Variants in PTPRD observed in about 807,000 individuals in gnomAD.
PTPRD encodes receptor-type tyrosine-protein phosphatase delta.
PTPRD carries 34 observed loss-of-function variants against 214.5 expected under a neutral mutation model. The observed-to-expected ratio is 0.16, with a 90% CI of 0.12 to 0.21. PTPRD has a LOEUF of 0.21. PTPRD is among the 10% of genes least tolerant of loss of function. The pLI is 1.00. For synonymous variants in PTPRD, 1,128 were observed against 845.7 expected (o/e 1.33, Z -5.79); for missense variants, 2,545 against 2,398.7 (o/e 1.06, Z -1.27).
At chr9:9,887,720 T>C (rs1273649749) in intron 5 of PTPRD, among the ~76,000 whole-genome samples, 2 of 151,974 alleles carry the variant, frequency 1.3e-5, no homozygotes, top group African/African-American at 4.8e-5. Context: ...TAATGGGAGG[T>C]GGAAAAATTA....
intron 3 of PTPRD, among the ~76,000 whole-genome samples, chr9:10,138,125 G>C (rs2098955714): frequency 6.6e-6 from 1 of 151,936 alleles, no homozygotes; most frequent in Admixed American, 6.6e-5. Flanking sequence ...AAATAAACAA[G>C]ATGTATAGAC....
In PTPRD at chr9:10,514,311, A is replaced by G. The variant is rs556082707; in HGVS notation, c.-600+98087T>C. 2.1e-4 allele frequency among the ~76,000 whole-genome samples: 32 copies of G among 151,760 alleles called. No homozygotes were observed. The East Asian group carries it at 5.3e-3, about 25-fold the overall frequency. ...TATAAACTCTTCTTTGGGGAGCAAA[A>G]TCAAAATTTTAAGAATTACAATTAC... On this transcript the variant is annotated intron_variant, in intron 2 of 45. Transcript: ENST00000381196.
intron 35 of PTPRD, among the ~76,000 whole-genome samples, chr9:8,407,878 G>T (rs892310153): frequency 1.3e-5 from 2 of 152,156 alleles, no homozygotes; most frequent in African/African-American, 2.4e-5. Context: ...TATTTTTGGA[G>T]CTTGTCAGAA....
At chr9:9,068,081 A>G (rs549587123) in intron 10 of PTPRD, among the ~76,000 whole-genome samples, 1 of 152,124 alleles carries the variant, frequency 6.6e-6, no homozygotes, top group Non-Finnish European at 1.5e-5. Context: ...AAATACATTT[A>G]ATATTTAACC....
At chr9:9,187,539 A>C (rs10977555) in intron 9 of PTPRD, among the ~76,000 whole-genome samples, 1 of 151,880 alleles carries the variant, frequency 6.6e-6, no homozygotes. Context: ...CTTGGCAAAC[A>C]TGTTAGATTT....
At chr9:9,202,773 AGT>A (rs1206860413) in intron 9 of PTPRD, among the ~76,000 whole-genome samples, 14 of 152,210 alleles carry the variant, frequency 9.2e-5, no homozygotes, top group African/African-American at 3.4e-4. Flanking sequence ...ACAACTGTTC[AGT>A]TATGGGGACT....
intron 11 of PTPRD, among the ~76,000 whole-genome samples, chr9:8,925,000 T>A (rs1298603180): frequency 2.0e-5 from 3 of 152,130 alleles, no homozygotes; most frequent in Non-Finnish European, 2.9e-5. Flanking sequence ...ATATGTTATA[T>A]TCCGTAAATA....
intron 8 of PTPRD, among the ~76,000 whole-genome samples, chr9:9,516,979 A>G (rs915784614): frequency 6.6e-6 from 1 of 151,540 alleles, no homozygotes; most frequent in African/African-American, 2.4e-5. Flanking sequence ...AATGAATAAG[A>G]AAACAAATGA....
At chr9:10,019,383 T>C (rs2096795949) in intron 4 of PTPRD, among the ~76,000 whole-genome samples, 1 of 152,106 alleles carries the variant, frequency 6.6e-6, no homozygotes, top group Non-Finnish European at 1.5e-5. Context: ...TCCTTAGGGA[T>C]CTAGAACTAG....
chr9:10,611,265 G>C (rs1230611896), intron 2 of PTPRD, among the ~76,000 whole-genome samples: 2 of 152,052 alleles, frequency 1.3e-5, no homozygotes, highest in Non-Finnish European at 2.9e-5. Context: ...TTAAAAATCA[G>C]GTCTGTTTTG....
intron 12 of PTPRD, among the ~76,000 whole-genome samples, chr9:8,679,876 A>C (rs2097517318): frequency 6.6e-6 from 1 of 152,212 alleles, no homozygotes; most frequent in African/African-American, 2.4e-5. Flanking sequence ...CAATTTAACA[A>C]AAATTTCTCA....
At chr9:9,103,580 C>T (rs1256885296) in intron 10 of PTPRD, among the ~76,000 whole-genome samples, 1 of 152,024 alleles carries the variant, frequency 6.6e-6, no homozygotes. Context: ...TTTAGCATAT[C>T]CTTTCCTTCT....
At chr9:9,738,732 A>G (rs2098346431) in intron 6 of PTPRD, among the ~76,000 whole-genome samples, 2 of 151,914 alleles carry the variant, frequency 1.3e-5, no homozygotes, top group Non-Finnish European at 2.9e-5. Context: ...GTGAACCACC[A>G]CACCTGACCT....
In PTPRD at chr9:8,528,579, A is replaced by G. The variant is rs1250382944; in HGVS notation, c.541+12T>C. On this transcript the variant is annotated intron_variant, in intron 15 of 45. Transcript: ENST00000381196. ...TCTCTAGGAGTTAGTAGAAACAGTA[A>G]CAAGACCCTACCTGATCGTAACTGC... 1.2e-5 allele frequency: 19 copies of G among 1,612,610 alleles called. No individual in the cohort carries two copies. The highest frequency in any genetic ancestry group is 1.7e-5 in the Admixed American group (1 of 59,918).
At chr9:10,031,200 TG>T (rs2097059154) in intron 4 of PTPRD, among the ~76,000 whole-genome samples, 1 of 152,074 alleles carries the variant, frequency 6.6e-6, no homozygotes. Flanking sequence ...TGAATTTAAG[TG>T]AATTATCTAA....
intron 8 of PTPRD, among the ~76,000 whole-genome samples, chr9:9,494,478 C>G (rs143158514): frequency 6.6e-6 from 1 of 152,178 alleles, no homozygotes; most frequent in East Asian, 1.9e-4. Flanking sequence ...GATCAGTCAG[C>G]AGCCATCAAG....
intron 3 of PTPRD, among the ~76,000 whole-genome samples, chr9:10,304,693 A>G (rs562294626): frequency 2.4e-4 from 36 of 152,182 alleles, no homozygotes; most frequent in Non-Finnish European, 4.9e-4. Flanking sequence ...TAGGAATCTA[A>G]CTTACAAGGT....
intron 3 of PTPRD, among the ~76,000 whole-genome samples, chr9:10,138,694 T>C (rs1476334610): frequency 1.3e-5 from 2 of 152,124 alleles, no homozygotes; most frequent in African/African-American, 4.8e-5. Flanking sequence ...ATCAAAAAGT[T>C]AGTTCACAAT....
rs183489959 is a variant in PTPRD, at chr9:9,275,552, T to C, written c.-202-92189A>G. ...ACAGGTTCCATTAGCCAAGGTTGGC[T>C]GGTAAGAGCCTAGATTATGCTTTCT... On this transcript the variant is annotated intron_variant, in intron 9 of 45. Transcript: ENST00000381196. 4.3e-3 allele frequency among the ~76,000 whole-genome samples: 656 copies of C among 151,246 alleles called. 3 individuals carry two copies. Among genetic ancestry groups the C allele is most frequent in the African/African-American group, 0.015 (628 of 41,404 alleles).
Sources: gnomAD v4.1 joint callset for allele counts (sites outside exome capture counted in the v4.1 genomes callset) on GRCh38, gnomAD v4.1.1 for gene constraint, MANE v1.5 for transcripts, NCBI Gene and HGNC (gene_info 2026-07-23, HGNC 2026-07-21) for gene names.